ZNF653: variants seen among roughly 807,000 people sequenced by gnomAD.
ZNF653 encodes 67 kDa zinc finger protein.
A neutral mutation model predicts 59.9 loss-of-function variants in ZNF653; 37 were observed. The ratio of observed to expected loss-of-function variants is 0.62; its 90% CI spans 0.48 to 0.81. The LOEUF is 0.81. ZNF653 is among the 40% of genes least tolerant of loss of function. The pLI is 0.00. For missense variants in ZNF653, 808 were observed against 881.1 expected (o/e 0.92, Z 1.05); for synonymous variants, 435 against 371.8 (o/e 1.17, Z -1.96).
chr19:11,502,151 G>C (rs1293798822), intron 1 of ZNF653, among the ~76,000 whole-genome samples: 1 of 151,446 alleles, frequency 6.6e-6, no homozygotes, highest in Non-Finnish European at 1.5e-5. Flanking sequence ...GAGTACAGTG[G>C]CGCGATCTCG....
At chr19:11,496,229 C>G (rs1971586933) in intron 2 of ZNF653, 64 bp from the exon 3 acceptor site, 8 of 1,516,664 alleles carry the variant, frequency 5.3e-6, no homozygotes, top group Non-Finnish European at 7.2e-6. Context: ...GACATGGCTG[C>G]CTGAACCACC....
Position 11,505,688 on chromosome 19 carries a change from C to G in ZNF653, c.99G>C (p.Ala33=). 6.7e-7 allele frequency: 1 copy of G among 1,489,090 alleles called. No individual in the cohort carries two copies. The highest frequency in any genetic ancestry group is 8.9e-7 in the Non-Finnish European group (1 of 1,127,860). The allele number at this position is 1,489,090 out of a possible 1,614,324, so 92.2% of individuals were successfully genotyped here. ...ACTCCGTGAGTCGCGGCCGGCCCCG[C>G]GCCTTTCGGCCCGCTGCGCCCTCCT... ...AAEEGAAGRK[A]RGRPRLTESD... Residue 33 remains alanine, a synonymous_variant, in exon 1 of 9, where the codon GCG becomes GCC. Transcript: ENST00000293771.
chr19:11,499,042 T>A (rs1971617352), intron 1 of ZNF653, among the ~76,000 whole-genome samples: 1 of 152,208 alleles, frequency 6.6e-6, no homozygotes, highest in South Asian at 2.1e-4. Flanking sequence ...TGAACTTCTA[T>A]GTACCTTTCC....
In ZNF653 at chr19:11,487,310, C is replaced by T. The variant is rs113817713; in HGVS notation, c.1153G>A (p.Gly385Ser). The change falls in exon 4 of 9, where the codon GGC becomes AGC. Residue 385 changes from glycine to serine, a missense_variant. Gly to Ser is a moderately conservative substitution (Grantham distance 56). Coordinates refer to ENST00000293771, the MANE Select transcript of ZNF653 (RefSeq NM_138783.4). This position sits in a 1 kb window ranked among gnomAD's most constrained non-coding sequence, Gnocchi z 5.1. The stretch of plus-strand genomic sequence containing the variant: ...CCCAGACCTTTCTTGGTCTCGATGC[C>T]TGCTACTGCGGTGGCGTCCATGGTG... ...PSTMDATAVAGIETKKEKEDL... is the reference protein window; with the variant it reads ...PSTMDATAVASIETKKEKEDL... 3.2e-3 allele frequency: 5,137 copies of T among 1,606,104 alleles called. 133 individuals carry two copies. In the African/African-American group the frequency reaches 0.063, roughly 20 times the overall value.
chr19:11,501,537 C>T (rs1971644339), intron 1 of ZNF653, among the ~76,000 whole-genome samples: 1 of 152,172 alleles, frequency 6.6e-6, no homozygotes, highest in African/African-American at 2.4e-5. Flanking sequence ...TCCATGTCCT[C>T]TCCTCCATCT....
At position 11,486,831 on chromosome 19, in the gene ZNF653, C is replaced by G; in HGVS notation, c.1393G>C (p.Glu465Gln). The G allele has an allele frequency of 6.2e-7, 1 of 1,611,960 alleles. No homozygotes were observed. Among genetic ancestry groups the G allele is most frequent in the Non-Finnish European group, 8.5e-7 (1 of 1,179,176 alleles). Residue 465 changes from glutamate (E) to glutamine (Q), a missense_variant, in exon 6 of 9, where the codon GAG becomes CAG. Transcript: ENST00000293771. The stretch of plus-strand genomic sequence containing the variant: ...CCCTCGTATGGGCAGTGGAACATCT[C>G]GAGCAGGCCGTCAGCATCCATCACC... ...SRVMDADGLL[E>Q]MFHCPYEGCS...
chr19:11,485,124 G>A (rs941851425), intron 7 of ZNF653, among the ~76,000 whole-genome samples: 6 of 151,754 alleles, frequency 4.0e-5, no homozygotes, highest in Non-Finnish European at 5.9e-5. Context: ...GATATCAGAA[G>A]CTCTGGCCCT....
At position 11,487,229 on chromosome 19, in the gene ZNF653, C is replaced by T; in HGVS notation, c.1171+63G>A. On this transcript the variant is annotated intron_variant, in intron 4 of 8. Coordinates refer to ENST00000293771, the MANE Select transcript of ZNF653 (RefSeq NM_138783.4). The surrounding 1 kb of genome is among the most constrained non-coding windows in gnomAD (Gnocchi z 5.1). ...CGAGGTGCCCACTTCGAGGGCCATT[C>T]CTCGCCCGGCCCCTCCCAGGCCCAA... 6.3e-7 allele frequency: 1 copy of T among 1,598,240 alleles called. No individual in the cohort carries two copies. The highest frequency in any genetic ancestry group is 8.5e-7 in the Non-Finnish European group (1 of 1,171,786).
At position 11,483,702 on chromosome 19, in the gene ZNF653, G is replaced by C. The variant is rs201563028; in HGVS notation, c.1828C>G (p.Pro610Ala). Residue 610 changes from proline (P) to alanine (A), a missense_variant, in exon 9 of 9, where the codon CCG becomes GCG. Pro to Ala is a conservative substitution (Grantham distance 27, BLOSUM62 -1). Transcript: ENST00000293771. ...SVKFHTLKSH[P>A]DHKPT ...GTGGGTCAGGTGGGCTTGTGATCCG[G>C]GTGGCTTTTGAGCGTGTGGAACTTG... 1.2e-5 allele frequency: 20 copies of C among 1,613,048 alleles called. No individual in the cohort carries two copies. The South Asian group carries it at 1.4e-4, about 12-fold the overall frequency.
At position 11,484,154 on chromosome 19, in the gene ZNF653, G is replaced by A. The variant is rs745423230; in HGVS notation, c.1571-13C>T. The A allele has an allele frequency of 3.9e-6, 6 of 1,549,892 alleles. No individual in the cohort carries two copies. The East Asian group carries it at 7.3e-5, about 19-fold the overall frequency. On this transcript the variant is annotated splice_polypyrimidine_tract_variant and intron_variant, in intron 7 of 8. Transcript: ENST00000293771. ...AATTCACGGACACCTGGGGGCGGTGGGGACCGAGGCTGAGGACGGTGGGCT... is the reference window on the plus strand; with the variant it reads ...AATTCACGGACACCTGGGGGCGGTGAGGACCGAGGCTGAGGACGGTGGGCT...
intron 1 of ZNF653, 32 bp from the exon 2 acceptor site, chr19:11,498,371 G>A (rs1161620064): frequency 6.2e-7 from 1 of 1,613,864 alleles, no homozygotes; most frequent in South Asian, 1.1e-5. Flanking sequence ...AGGGTGAACG[G>A]GGGACCAGCG....
At chr19:11,497,445 C>T (rs1971600464) in intron 2 of ZNF653, among the ~76,000 whole-genome samples, 1 of 152,190 alleles carries the variant, frequency 6.6e-6, no homozygotes, top group Admixed American at 6.5e-5. Context: ...AGTGACTTGG[C>T]TTCTCTGAGC....
At chr19:11,502,285 T>A (rs763244258) in intron 1 of ZNF653, among the ~76,000 whole-genome samples, 5 of 151,462 alleles carry the variant, frequency 3.3e-5, no homozygotes, top group Non-Finnish European at 7.4e-5. Flanking sequence ...AGAGACAGGG[T>A]TTTGGCCTAT....
chr19:11,503,207 C>G (rs1971665875), intron 1 of ZNF653, among the ~76,000 whole-genome samples: 1 of 152,308 alleles, frequency 6.6e-6, no homozygotes, highest in East Asian at 1.9e-4. Flanking sequence ...TCCTTGTCTT[C>G]CCTTCTCCCC....
chr19:11,485,603 G>A, intron 7 of ZNF653, 53 bp downstream of exon 7: 1 of 1,479,384 alleles, frequency 6.8e-7, no homozygotes, highest in Non-Finnish European at 9.4e-7. Context: ...CAGGCTCCCA[G>A]GCCCATGTCC....
At position 11,496,169 on chromosome 19, in the gene ZNF653, T is replaced by G; in HGVS notation, c.344-4A>C. 2 of 1,613,214 alleles carry G rather than the reference T, an allele frequency of 1.2e-6. No homozygotes were observed. Among genetic ancestry groups the G allele is most frequent in the South Asian group, 2.2e-5 (2 of 91,044 alleles). ...CAGTTCACGTTGCGTCGCCGCCCTA[T>G]GGACACAGGGCCGAGGAGTGGGTAT... is the stretch of plus-strand genomic sequence containing the variant. On this transcript the variant is annotated splice_polypyrimidine_tract_variant and splice_region_variant and intron_variant, in intron 2 of 8. Coordinates refer to ENST00000293771, the MANE Select transcript of ZNF653 (RefSeq NM_138783.4).
Position 11,487,787 on chromosome 19 carries a change from T to TCGCTGCCGCTGC in ZNF653, c.664_675dup (p.Ala222_Ala225dup), listed in dbSNP as rs539990039. ...CTGCTGCCCACCGGGCTGGTGGGCG[T>TCGCTGCCGCTGC]CGCTGCCGCTGCCGCTGCCGCAGCC... On this transcript the variant is annotated inframe_insertion, in exon 4 of 9. Coordinates refer to ENST00000293771, the MANE Select transcript of ZNF653 (RefSeq NM_138783.4). The surrounding 1 kb of genome is among the most constrained non-coding windows in gnomAD (Gnocchi z 5.1). The TCGCTGCCGCTGC allele has an allele frequency of 2.5e-6, 4 of 1,611,296 alleles. No homozygotes were observed. The highest frequency in any genetic ancestry group is 2.7e-5 in the African/African-American group (2 of 74,844).
Position 11,487,198 on chromosome 19 carries a change from G to A in ZNF653, c.1172-40C>T, listed in dbSNP as rs368228791. ...CAGGGTGGTGTCCGCAGGGGACGAA[G>A]GCTGCCGAGGTGCCCACTTCGAGGG... On this transcript the variant is annotated intron_variant, in intron 4 of 8. Coordinates refer to ENST00000293771, the MANE Select transcript of ZNF653 (RefSeq NM_138783.4). This position sits in a 1 kb window ranked among gnomAD's most constrained non-coding sequence, Gnocchi z 5.1. The A allele has an allele frequency of 9.3e-6, 15 of 1,604,744 alleles. No individual in the cohort carries two copies. In the African/African-American group the frequency reaches 1.3e-4, roughly 14 times the overall value.
At chr19:11,488,901 TTTTC>T (rs1254773590) in intron 3 of ZNF653, among the ~76,000 whole-genome samples, 1 of 150,726 alleles carries the variant, frequency 6.6e-6, no homozygotes, top group Admixed American at 6.6e-5. Flanking sequence ...CGGCCTGAGT[TTTTC>T]TTTTTTTTTT....
Sources: gnomAD v4.1 joint callset for allele counts (sites outside exome capture counted in the v4.1 genomes callset) on GRCh38, gnomAD v4.1.1 for gene constraint, Gnocchi (gnomAD v3.1) non-coding constraint, MANE v1.5 for transcripts, NCBI Gene and HGNC (gene_info 2026-07-23, HGNC 2026-07-21) for gene names.